Variants in RASA1 observed in about 807,000 individuals in gnomAD.
RASA1 encodes ras GTPase-activating protein 1.
A neutral mutation model predicts 132.2 loss-of-function variants in RASA1; 25 were observed. The ratio of observed to expected loss-of-function variants is 0.19; its 90% CI spans 0.14 to 0.26. RASA1 has a LOEUF of 0.26. RASA1 is among the 10% of genes least tolerant of loss of function. The probability of loss-of-function intolerance (pLI) is 1.00; values close to 1 mark genes in which losing one functional copy is unlikely to be tolerated. For synonymous variants in RASA1, 477 were observed against 449.9 expected (o/e 1.06, Z -0.76); for missense variants, 964 against 1,299.2 (o/e 0.74, Z 3.97).
intron 11 of RASA1, chr5:87,366,394 TC>T: frequency 2.4e-6 from 1 of 423,616 alleles, no homozygotes; most frequent in African/African-American, 2.0e-5. Context: ...AAAAGAAAGG[TC>T]CACATTACAC....
chr5:87,362,749 ATTTAATAAGT>A, intron 10 of RASA1, 78 bp downstream of exon 10: 1 of 1,491,996 alleles, frequency 6.7e-7, no homozygotes, highest in Admixed American at 1.7e-5. Context: ...TGTGATATAT[ATTTAATAAGT>A]TTTGACATGA....
intron 1 of RASA1, among the ~76,000 whole-genome samples, chr5:87,307,126 C>A (rs1219455712): frequency 6.6e-6 from 1 of 152,174 alleles, no homozygotes; most frequent in Admixed American, 6.5e-5. Flanking sequence ...CGTCAGCCTC[C>A]TGAAGTGTTG....
At chr5:87,389,830 T>G (rs943844092) in intron 24 of RASA1, among the ~76,000 whole-genome samples, 1 of 152,180 alleles carries the variant, frequency 6.6e-6, no homozygotes, top group Admixed American at 6.5e-5. Context: ...ATATTGATTT[T>G]ATTTTTTTTT....
chr5:87,292,952 C>CAGTG lies in RASA1; in HGVS notation c.539+23963_539+23966dup, dbSNP rs532856266. 6.3e-3 allele frequency among the ~76,000 whole-genome samples: 952 copies of CAGTG among 152,180 alleles called. 11 individuals are homozygous for CAGTG. The highest frequency in any genetic ancestry group is 0.021 in the African/African-American group (865 of 41,518). On this transcript the variant is annotated intron_variant, in intron 1 of 24. Coordinates refer to ENST00000274376, the MANE Select transcript of RASA1 (RefSeq NM_002890.3). ...GTTTCTTTTGTACAAACAGGAAAGC[C>CAGTG]AGTGGCTTTCCTTGTATTCTGCAAC...
intron 6 of RASA1, among the ~76,000 whole-genome samples, chr5:87,342,960 T>A (rs572514505): frequency 6.6e-6 from 1 of 152,334 alleles, no homozygotes; most frequent in South Asian, 2.1e-4. Context: ...CACTCGGAAG[T>A]CTTTTTATCT....
chr5:87,334,042 G>A (rs2112373691), intron 4 of RASA1, among the ~76,000 whole-genome samples: 1 of 152,262 alleles, frequency 6.6e-6, no homozygotes, highest in East Asian at 1.9e-4. Flanking sequence ...ATGTAACTAT[G>A]GGGATCTTTG....
chr5:87,363,328 C>CA lies in RASA1; in HGVS notation c.1454-18dup. On this transcript the variant is annotated intron_variant, in intron 10 of 24. Transcript: ENST00000274376. ...TCACAATTGTTTGGCTAAGAGAAAA[C>CA]AATTTTTTTTTTTAAACAGGCAAAG... The CA allele has an allele frequency of 6.3e-7, 1 of 1,575,542 alleles. No individual in the cohort carries two copies. The highest frequency in any genetic ancestry group is 1.1e-5 in the South Asian group (1 of 89,780).
chr5:87,333,150 G>C (rs762672321), intron 3 of RASA1, 117 bp from the exon 4 acceptor site: 4 of 1,431,212 alleles, frequency 2.8e-6, no homozygotes, highest in Non-Finnish European at 2.8e-6. Flanking sequence ...AAATTTATTT[G>C]AATGATCCCA....
chr5:87,344,667 C>CA (rs1347493636), intron 6 of RASA1, among the ~76,000 whole-genome samples: 1 of 149,512 alleles, frequency 6.7e-6, no homozygotes, highest in Admixed American at 6.7e-5. Context: ...CCACACCTGG[C>CA]AAATGTTGTA....
intron 9 of RASA1, among the ~76,000 whole-genome samples, chr5:87,361,586 T>C (rs949489588): frequency 1.6e-4 from 24 of 152,130 alleles, no homozygotes; most frequent in Admixed American, 1.3e-3. Flanking sequence ...AATAGTAAAA[T>C]TGAAGATTCA....
chr5:87,274,865 A>G (rs936302669), intron 1 of RASA1, among the ~76,000 whole-genome samples: 1 of 152,246 alleles, frequency 6.6e-6, no homozygotes, highest in Non-Finnish European at 1.5e-5. Context: ...TATGAATTAG[A>G]TGAGTTTAAA....
chr5:87,320,487 T>C (rs1220879745), intron 1 of RASA1, among the ~76,000 whole-genome samples: 1 of 152,204 alleles, frequency 6.6e-6, no homozygotes, highest in Non-Finnish European at 1.5e-5. Flanking sequence ...CTCAGAAGAC[T>C]TACAATCATG....
At chr5:87,279,407 T>TG (rs1307736865) in intron 1 of RASA1, among the ~76,000 whole-genome samples, 1 of 152,176 alleles carries the variant, frequency 6.6e-6, no homozygotes, top group Admixed American at 6.5e-5. Flanking sequence ...GTTCAGCCAT[T>TG]GGGGAACATT....
chr5:87,388,102 C>T (rs1762189456), intron 23 of RASA1, among the ~76,000 whole-genome samples: 1 of 152,158 alleles, frequency 6.6e-6, no homozygotes, highest in Admixed American at 6.5e-5. Context: ...TCCTAAGCAT[C>T]CCCTGTGTAT....
intron 22 of RASA1, among the ~76,000 whole-genome samples, chr5:87,386,071 C>T (rs1046039778): frequency 2.6e-5 from 4 of 152,000 alleles, no homozygotes; most frequent in African/African-American, 9.7e-5. Flanking sequence ...ACTTTTATTG[C>T]TCCTCACAGC....
intron 1 of RASA1, among the ~76,000 whole-genome samples, chr5:87,288,145 CAT>C (rs1342555155): frequency 7.2e-6 from 1 of 138,846 alleles, no homozygotes. Flanking sequence ...ATATACACAC[CAT>C]ATATATATAC....
At chr5:87,378,650 C>A in intron 18 of RASA1, 112 bp downstream of exon 18, 1 of 1,165,516 alleles carries the variant, frequency 8.6e-7, no homozygotes. Flanking sequence ...AAAATTATTC[C>A]TCATAGCAGT....
chr5:87,363,290 AAT>A lies in RASA1; in HGVS notation c.1454-55_1454-54del. The A allele has an allele frequency of 5.0e-6, 7 of 1,401,372 alleles. No individual in the cohort carries two copies. In the South Asian group the frequency reaches 8.5e-5, roughly 17 times the overall value. 86.8% of individuals were successfully genotyped at this position (1,401,372 alleles called of 1,614,324 possible). On this transcript the variant is annotated intron_variant, in intron 10 of 24. Coordinates refer to ENST00000274376, the MANE Select transcript of RASA1 (RefSeq NM_002890.3). ...TATTTTTAGAAACACTAATTTTAAT[AAT>A]ATGTAGGATTTCACAATTGTTTGGC...
chr5:87,319,821 C>T (rs769257762), intron 1 of RASA1, among the ~76,000 whole-genome samples: 1 of 152,202 alleles, frequency 6.6e-6, no homozygotes, highest in Non-Finnish European at 1.5e-5. Context: ...TTTCTCCCCC[C>T]AAAATGGGTT....
Sources: allele counts gnomAD v4.1 joint callset (sites outside exome capture counted in the v4.1 genomes callset), GRCh38; gene constraint gnomAD v4.1.1; transcripts MANE v1.5; gene names NCBI Gene and HGNC (gene_info 2026-07-23, HGNC 2026-07-21).